C8orf34: variants seen among roughly 807,000 people sequenced by gnomAD.
The protein encoded by C8orf34 is uncharacterized protein C8orf34.
Under a neutral mutation model 68.3 loss-of-function variants are expected in C8orf34, and 65 were observed. That is an observed-to-expected ratio of 0.95 (90% CI 0.78 to 1.17). The LOEUF is 1.17. Ranked by LOEUF, C8orf34 falls within the 50% of genes most tolerant of loss-of-function variation. The pLI, the probability that C8orf34 is intolerant of heterozygous loss-of-function variation, is 0.00. For missense variants in C8orf34, 664 were observed against 655.4 expected, an observed-to-expected ratio of 1.01 and a Z score of -0.14; for synonymous variants, 244 against 241.2, an observed-to-expected ratio of 1.01 and a Z score of -0.11.
intron 7 of C8orf34, among the ~76,000 whole-genome samples, chr8:68,634,721 C>G (rs1186871819): frequency 6.6e-6 from 1 of 152,090 alleles, no homozygotes; most frequent in Admixed American, 6.6e-5. Flanking sequence ...ATGGTTCTGT[C>G]ACCTTTTAGA....
chr8:68,390,788 A>G (rs1400868050), intron 1 of C8orf34, among the ~76,000 whole-genome samples: 2 of 152,152 alleles, frequency 1.3e-5, no homozygotes, highest in Non-Finnish European at 1.5e-5. Context: ...CAGAGCCAAT[A>G]GAGAGTTATT....
intron 11 of C8orf34, among the ~76,000 whole-genome samples, chr8:68,783,523 CAAA>C (rs775189886): frequency 3.5e-3 from 188 of 53,734 alleles, no homozygotes; most frequent in Middle Eastern, 8.6e-3. Flanking sequence ...GACTTCATCT[CAAA>C]AAAAAAAAAA....
At chr8:68,774,564 G>T (rs575143368) in intron 10 of C8orf34, among the ~76,000 whole-genome samples, 7 of 151,594 alleles carry the variant, frequency 4.6e-5, no homozygotes, top group Non-Finnish European at 8.8e-5. Context: ...TTAAACTACG[G>T]CATATTAATG....
At chr8:68,815,042 A>C (rs368049353) in intron 12 of C8orf34, among the ~76,000 whole-genome samples, 1 of 152,192 alleles carries the variant, frequency 6.6e-6, no homozygotes, top group East Asian at 1.9e-4. Context: ...AATCATCTAG[A>C]TTAACATCTT....
chr8:68,359,421 A>G (rs537596970), intron 1 of C8orf34, among the ~76,000 whole-genome samples: 7 of 152,276 alleles, frequency 4.6e-5, no homozygotes, highest in Admixed American at 2.0e-4. Context: ...GTATTTGCAT[A>G]CTAATACTGA....
intron 11 of C8orf34, among the ~76,000 whole-genome samples, chr8:68,781,726 G>A (rs897849513): frequency 1.3e-5 from 2 of 152,102 alleles, no homozygotes; most frequent in African/African-American, 4.8e-5. Flanking sequence ...CTATTCCAGG[G>A]AAAACCAAAG....
intron 3 of C8orf34, among the ~76,000 whole-genome samples, chr8:68,459,809 G>A (rs1041866250): frequency 6.6e-6 from 1 of 152,154 alleles, no homozygotes; most frequent in Non-Finnish European, 1.5e-5. Context: ...CAGGGTGAGA[G>A]CCAAGATGGC....
At chr8:68,396,735 A>AAG (rs1316744282) in intron 1 of C8orf34, among the ~76,000 whole-genome samples, 3 of 148,314 alleles carry the variant, frequency 2.0e-5, no homozygotes, top group Admixed American at 1.3e-4. Flanking sequence ...AAAAAAAAAA[A>AAG]AAAAAAGCCT....
chr8:68,408,021 A>G (rs901346952), intron 1 of C8orf34, among the ~76,000 whole-genome samples: 4 of 152,112 alleles, frequency 2.6e-5, no homozygotes, highest in Middle Eastern at 3.2e-3. Context: ...ACCGGGCTGC[A>G]CAGCAGGAGG....
intron 1 of C8orf34, among the ~76,000 whole-genome samples, chr8:68,433,099 C>T (rs1157542243): frequency 6.6e-6 from 1 of 152,082 alleles, no homozygotes; most frequent in Admixed American, 6.6e-5. Flanking sequence ...ATTCCACGCT[C>T]ATTACCTGCT....
chr8:68,517,024 C>T (rs6472404), intron 5 of C8orf34, among the ~76,000 whole-genome samples: 27,696 of 151,994 alleles, frequency 0.18, 5,384 homozygotes, highest in African/African-American at 0.49. Context: ...AAGGAACATG[C>T]ATTTTTACAT....
At chr8:68,395,412 C>T (rs1808662764) in intron 1 of C8orf34, among the ~76,000 whole-genome samples, 1 of 151,656 alleles carries the variant, frequency 6.6e-6, no homozygotes, top group South Asian at 2.1e-4. Flanking sequence ...CACACACATT[C>T]TGGCTGTCAT....
At chr8:68,517,274 C>T (rs1372384310) in intron 5 of C8orf34, among the ~76,000 whole-genome samples, 3 of 152,008 alleles carry the variant, frequency 2.0e-5, no homozygotes, top group Non-Finnish European at 2.9e-5. Context: ...AATAATATAA[C>T]CAAAACTCTG....
chr8:68,382,065 G>A (rs1468571434), intron 1 of C8orf34, among the ~76,000 whole-genome samples: 3 of 152,120 alleles, frequency 2.0e-5, no homozygotes. Flanking sequence ...TCATTGATAA[G>A]TTTAGTGGTT....
chr8:68,345,934 CA>C (rs1285821701), intron 1 of C8orf34, among the ~76,000 whole-genome samples: 1 of 152,068 alleles, frequency 6.6e-6, no homozygotes, highest in East Asian at 1.9e-4. Context: ...GTACAGGCCA[CA>C]TTTTCTGACC....
intron 12 of C8orf34, among the ~76,000 whole-genome samples, chr8:68,813,242 C>T (rs1824708011): frequency 1.3e-5 from 2 of 152,134 alleles, no homozygotes; most frequent in African/African-American, 4.8e-5. Context: ...ATGGGCTATC[C>T]CTAGTATAGG....
rs146514059 is a variant in C8orf34 at position 68,536,987 on chromosome 8, C to T, written c.1105+3838C>T. On this transcript the variant is annotated intron_variant, in intron 7 of 13. Transcript: ENST00000518698. ...GTTACCAAATTTTGTAAAATAAAAA[C>T]AATTTACTAGAAGGAGTTAATACAT... is the stretch of plus-strand genomic sequence containing the variant. 4.6e-5 allele frequency among the ~76,000 whole-genome samples: 7 copies of T among 152,192 alleles called. No individual in the cohort carries two copies. The East Asian group carries it at 1.4e-3, about 29-fold the overall frequency.
At chr8:68,556,285 G>A (rs181736590) in intron 7 of C8orf34, among the ~76,000 whole-genome samples, 415 of 145,112 alleles carry the variant, frequency 2.9e-3, no homozygotes, top group African/African-American at 1.0e-2. Context: ...TATTAAGGAA[G>A]GAGGGAATCT....
chr8:68,688,065 A>G (rs1158207288), intron 8 of C8orf34, among the ~76,000 whole-genome samples: 1 of 152,158 alleles, frequency 6.6e-6, no homozygotes, highest in Non-Finnish European at 1.5e-5. Flanking sequence ...TGCAAATTAA[A>G]GCTATGATGG....
Sources: allele counts gnomAD v4.1 joint callset (sites outside exome capture counted in the v4.1 genomes callset), GRCh38; gene constraint gnomAD v4.1.1; transcripts MANE v1.5; gene names NCBI Gene and HGNC (gene_info 2026-07-23, HGNC 2026-07-21).